The following XKR9 variants were observed in gnomAD, a reference collection of about 807,000 sequenced individuals.
XKR9 encodes the protein XK-related protein 9.
XKR9 carries 32 observed loss-of-function variants against 32.0 expected under a neutral mutation model. That is an observed-to-expected ratio of 1.00 (90% CI 0.76 to 1.34). XKR9 has a LOEUF of 1.34. Ranked by LOEUF, XKR9 falls within the 40% of genes most tolerant of loss-of-function variation. The probability of loss-of-function intolerance (pLI) is 0.00; values close to 1 mark genes in which losing one functional copy is unlikely to be tolerated. For missense variants in XKR9, 546 were observed against 429.7 expected, an observed-to-expected ratio of 1.27 and a Z score of -2.39; for synonymous variants, 168 against 143.4, an observed-to-expected ratio of 1.17 and a Z score of -1.22.
At chr8:70,713,219 G>A (rs1805978315) in intron 4 of XKR9, among the ~76,000 whole-genome samples, 1 of 152,098 alleles carries the variant, frequency 6.6e-6, no homozygotes, top group South Asian at 2.1e-4. Flanking sequence ...TAGGTCAGAA[G>A]AAATTATCTA....
At chr8:71,048,452 T>G in the XKR9 span, among the ~76,000 whole-genome samples, 2 of 152,178 alleles carry the variant, frequency 1.3e-5, no homozygotes, top group African/African-American at 2.4e-5. Context: ...TTAAGATAGA[T>G]AACGTCTTCT....
chr8:70,922,082 T>C, the XKR9 span, among the ~76,000 whole-genome samples: 1 of 152,110 alleles, frequency 6.6e-6, no homozygotes, highest in Non-Finnish European at 1.5e-5. Context: ...TGAGTAAAGA[T>C]GTCATGGAAA....
chr8:70,850,850 G>A, the XKR9 span, among the ~76,000 whole-genome samples: 11 of 152,140 alleles, frequency 7.2e-5, no homozygotes, highest in Admixed American at 1.3e-4. Flanking sequence ...AAAACTGGAA[G>A]CATTCCCTTT....
the XKR9 span, among the ~76,000 whole-genome samples, chr8:70,804,037 C>T: frequency 6.6e-6 from 1 of 152,224 alleles, no homozygotes; most frequent in East Asian, 1.9e-4. Flanking sequence ...AGCAGGTCTG[C>T]TCTATGGGCT....
chr8:70,868,172 A>G, the XKR9 span, among the ~76,000 whole-genome samples: 1 of 152,120 alleles, frequency 6.6e-6, no homozygotes, highest in Non-Finnish European at 1.5e-5. Flanking sequence ...TTCCAGGTGC[A>G]TGGTGCAAGC....
chr8:70,791,650 G>A (rs1219413554), downstream of XKR9, among the ~76,000 whole-genome samples: 1 of 151,856 alleles, frequency 6.6e-6, no homozygotes, highest in Non-Finnish European at 1.5e-5. Flanking sequence ...CTGTTGCCAT[G>A]GAGTTATGCA....
chr8:70,687,906 A>G (rs1238799655), intron 3 of XKR9, among the ~76,000 whole-genome samples: 2 of 152,200 alleles, frequency 1.3e-5, no homozygotes, highest in South Asian at 2.1e-4. Context: ...TACACTTGAA[A>G]CATATGTGTT....
the XKR9 span, among the ~76,000 whole-genome samples, chr8:70,995,331 T>G: frequency 8.8e-3 from 1,345 of 152,324 alleles, 6 homozygotes; most frequent in Non-Finnish European, 0.015. Flanking sequence ...TTGATCATTT[T>G]CACTACAGCC....
chr8:71,027,679 T>G, the XKR9 span, among the ~76,000 whole-genome samples: 19 of 152,036 alleles, frequency 1.2e-4, no homozygotes, highest in Admixed American at 9.8e-4. Flanking sequence ...TCAGCTTTGT[T>G]CCTTTTGTTC....
At chr8:71,013,791 G>T in the XKR9 span, among the ~76,000 whole-genome samples, 4 of 152,146 alleles carry the variant, frequency 2.6e-5, no homozygotes, top group Non-Finnish European at 5.9e-5. Flanking sequence ...CCATAGGGCA[G>T]TCTACATCCA....
the XKR9 span, among the ~76,000 whole-genome samples, chr8:70,968,546 A>T: frequency 7.0e-5 from 10 of 143,310 alleles, no homozygotes; most frequent in Admixed American, 6.3e-4. Context: ...GCATTTTTGC[A>T]TTGATTTTTT....
chr8:70,754,657 T>G (rs2130191824), intron 2 of XKR9, among the ~76,000 whole-genome samples: 1 of 151,422 alleles, frequency 6.6e-6, no homozygotes, highest in East Asian at 1.9e-4. Flanking sequence ...AAACAAGCAA[T>G]GGGGAAAGGA....
the XKR9 span, among the ~76,000 whole-genome samples, chr8:71,030,026 A>T: frequency 6.6e-6 from 1 of 152,126 alleles, no homozygotes; most frequent in African/African-American, 2.4e-5. Flanking sequence ...ATGTCTTGGT[A>T]ATGTATAAAT....
At chr8:70,713,306 T>C (rs773789411) in intron 4 of XKR9, among the ~76,000 whole-genome samples, 1 of 152,024 alleles carries the variant, frequency 6.6e-6, no homozygotes, top group African/African-American at 2.4e-5. Flanking sequence ...GGTGAGAACA[T>C]CTAATATACA....
At chr8:70,788,807 A>G (rs1563481159) in intron 2 of XKR9, among the ~76,000 whole-genome samples, 1 of 152,098 alleles carries the variant, frequency 6.6e-6, no homozygotes, top group Non-Finnish European at 1.5e-5. Flanking sequence ...GATCTATAAA[A>G]TGTACTAAAA....
At chr8:70,746,838 GT>G (rs1285424700) in intron 2 of XKR9, among the ~76,000 whole-genome samples, 1 of 151,982 alleles carries the variant, frequency 6.6e-6, no homozygotes, top group Non-Finnish European at 1.5e-5. Flanking sequence ...TGATGCTGAG[GT>G]TTTAGCGTCT....
At chr8:70,814,131 A>G in the XKR9 span, among the ~76,000 whole-genome samples, 1 of 152,220 alleles carries the variant, frequency 6.6e-6, no homozygotes, top group African/African-American at 2.4e-5. Context: ...TGAAGAGTTC[A>G]TGTCCTTTGC....
At chr8:70,779,499 C>G (rs1490592201) in intron 2 of XKR9, among the ~76,000 whole-genome samples, 3 of 152,052 alleles carry the variant, frequency 2.0e-5, no homozygotes, top group South Asian at 2.1e-4. Context: ...CCCTCTTTTT[C>G]TATTGTTTGG....
chr8:70,783,895 A>G (rs545552505), intron 2 of XKR9, among the ~76,000 whole-genome samples: 1 of 152,260 alleles, frequency 6.6e-6, no homozygotes, highest in African/African-American at 2.4e-5. Context: ...ATGATTTGAG[A>G]TAAGGGTTCA....
Sources: allele counts gnomAD v4.1 joint callset (sites outside exome capture counted in the v4.1 genomes callset), GRCh38; gene constraint gnomAD v4.1.1; transcripts MANE v1.5; gene names NCBI Gene and HGNC (gene_info 2026-07-23, HGNC 2026-07-21).